Variants in PAX7 observed in about 807,000 individuals in gnomAD.
PAX7 encodes paired box 7.
A neutral mutation model predicts 50.7 loss-of-function variants in PAX7; 18 were observed. The ratio of observed to expected loss-of-function variants is 0.36; its 90% CI spans 0.25 to 0.53. PAX7 has a LOEUF of 0.53. Ranked by LOEUF, PAX7 falls within the 20% of genes least tolerant of loss-of-function variation. The pLI is 0.93. For synonymous variants in PAX7, 310 were observed against 290.4 expected (o/e 1.07, Z -0.69); for missense variants, 644 against 702.9 (o/e 0.92, Z 0.95).
chr1:18,747,252 C>G lies in PAX7; in HGVS notation c.*2323C>G. On this transcript the variant is annotated 3_prime_UTR_variant, in exon 9 of 9. Transcript: ENST00000420770. ...AGCCCCATCCCCAGGAGGCGACATT[C>G]CAATGCTAGGACCAATCCCAGATAT... 4.3e-6 allele frequency: 1 copy of G among 230,422 alleles called. No homozygotes were observed. Among genetic ancestry groups the G allele is most frequent in the East Asian group, 6.2e-5 (1 of 16,206 alleles). 14.3% of individuals were successfully genotyped at this position (230,422 alleles called of 1,614,324 possible).
intron 4 of PAX7, among the ~76,000 whole-genome samples, chr1:18,640,897 G>A (rs949135861): frequency 6.6e-6 from 1 of 151,702 alleles, no homozygotes; most frequent in Admixed American, 6.6e-5. Flanking sequence ...GGAACGTCCC[G>A]GCGGAGGGGG....
chr1:18,704,487 G>A (rs935746291), intron 7 of PAX7, among the ~76,000 whole-genome samples: 1 of 152,172 alleles, frequency 6.6e-6, no homozygotes, highest in African/African-American at 2.4e-5. Flanking sequence ...AGGCATGATG[G>A]CAGGTGCCTG....
At chr1:18,633,496 G>A (rs993197598) in intron 1 of PAX7, among the ~76,000 whole-genome samples, 3 of 152,180 alleles carry the variant, frequency 2.0e-5, no homozygotes, top group East Asian at 3.9e-4. Flanking sequence ...TACCAGCCTC[G>A]CAGAGCCTGC....
chr1:18,721,765 C>T (rs182902300), intron 7 of PAX7, among the ~76,000 whole-genome samples: 20 of 152,336 alleles, frequency 1.3e-4, no homozygotes, highest in African/African-American at 4.3e-4. Context: ...GTTGTCGGAC[C>T]ATGTCTGGAA....
rs547057009 is a variant in PAX7 at position 18,738,511 on chromosome 1, C to A, written c.1402+2633C>A. ...AGGGTTTGTTCTCCTCTTGCTTGGACAAAGCCAGCCAGAGCAGCTTCCTCC... is the reference window on the plus strand; with the variant it reads ...AGGGTTTGTTCTCCTCTTGCTTGGAAAAAGCCAGCCAGAGCAGCTTCCTCC... On this transcript the variant is annotated intron_variant, in intron 8 of 8. Coordinates refer to ENST00000420770, the MANE Select transcript of PAX7 (RefSeq NM_001135254.2). Among the ~76,000 whole-genome samples the A allele has an allele frequency of 4.9e-4, 75 of 152,228 alleles. 1 individual carries two copies. The highest frequency in any genetic ancestry group is 1.9e-4 in the Non-Finnish European group (13 of 67,994).
At chr1:18,736,172 A>G in intron 8 of PAX7, 1 of 609,302 alleles carries the variant, frequency 1.6e-6, no homozygotes, top group South Asian at 2.1e-5. Flanking sequence ...TTTAAAACAT[A>G]AGAAGAAACA....
rs1004958336 is a variant in PAX7, at chr1:18,632,344, C to T, written c.85+656C>T. 1.3e-5 allele frequency among the ~76,000 whole-genome samples: 2 copies of T among 152,206 alleles called. No individual in the cohort carries two copies. Among genetic ancestry groups the T allele is most frequent in the Non-Finnish European group, 2.9e-5 (2 of 68,044 alleles). On this transcript the variant is annotated intron_variant, in intron 1 of 8. Transcript: ENST00000420770. This position sits in a 1 kb window ranked among gnomAD's most constrained non-coding sequence, Gnocchi z 6.3. Reference sequence around the variant, plus strand: ...CTCTAAACGGCGAGGTTTAGAGAACCTCTAAACGGCGAGAGGGGCACGGCA... The same window carrying T: ...CTCTAAACGGCGAGGTTTAGAGAACTTCTAAACGGCGAGAGGGGCACGGCA...
rs1245425520 is a variant in PAX7 at position 18,632,798 on chromosome 1, A to G, written c.85+1110A>G. Among the ~76,000 whole-genome samples, 1 of 152,122 alleles carries G rather than the reference A, an allele frequency of 6.6e-6. No individual in the cohort carries two copies. Among genetic ancestry groups the G allele is most frequent in the East Asian group, 1.9e-4 (1 of 5,174 alleles). ...ACGGCGCCGGGTCCCTGAATTAGAC[A>G]GAGGCGAAGAGAGCGGCTCCGTGAT... On this transcript the variant is annotated intron_variant, in intron 1 of 8. Coordinates refer to ENST00000420770, the MANE Select transcript of PAX7 (RefSeq NM_001135254.2). The surrounding 1 kb of genome is among the most constrained non-coding windows in gnomAD (Gnocchi z 6.3).
chr1:18,636,202 A>G lies in PAX7; in HGVS notation c.452-35A>G. On this transcript the variant is annotated intron_variant, in intron 3 of 8. Coordinates refer to ENST00000420770, the MANE Select transcript of PAX7 (RefSeq NM_001135254.2). This position sits in a 1 kb window ranked among gnomAD's most constrained non-coding sequence, Gnocchi z 5.1. ...CACCGCTCGCTCCTCTGCTCCAACA[A>G]CTTATACTTGCTCTTTTGCCTTTGA... 1 of 1,610,378 alleles carries G rather than the reference A, an allele frequency of 6.2e-7. No individual in the cohort carries two copies. Among genetic ancestry groups the G allele is most frequent in the Admixed American group, 1.7e-5 (1 of 59,806 alleles).
Position 18,700,077 on chromosome 1 carries a change from CGTGTGTGTGTGTGTGTGT to C in PAX7, c.787-553_787-536del, listed in dbSNP as rs66600721. Among the ~76,000 whole-genome samples, 4 of 145,668 alleles carry C rather than the reference CGTGTGTGTGTGTGTGTGT, an allele frequency of 2.7e-5. No individual in the cohort carries two copies. Among genetic ancestry groups the C allele is most frequent in the East Asian group, 2.0e-4 (1 of 4,966 alleles). ...TTATCCCACTAATGTTTGATAAATC[CGTGTGTGTGTGTGTGTGT>C]GTGTGTGTGTGTGTGTGTGTGTTTC... On this transcript the variant is annotated intron_variant, in intron 5 of 8. Transcript: ENST00000420770. This position sits in a 1 kb window ranked among gnomAD's most constrained non-coding sequence, Gnocchi z 4.8.
chr1:18,650,407 G>T (rs1200604538), intron 4 of PAX7, among the ~76,000 whole-genome samples: 1 of 152,164 alleles, frequency 6.6e-6, no homozygotes, highest in African/African-American at 2.4e-5. Context: ...GCTTCATTTT[G>T]GGGCCTGGTG....
intron 7 of PAX7, among the ~76,000 whole-genome samples, chr1:18,725,158 G>C (rs754550435): frequency 2.0e-4 from 31 of 152,158 alleles, no homozygotes; most frequent in Non-Finnish European, 4.0e-4. Flanking sequence ...AGCCGGGCCT[G>C]AGCTATCACG....
In PAX7 at chr1:18,635,195, A is replaced by G. The variant is rs1240946523; in HGVS notation, c.406A>G (p.Arg136Gly). Residue 136 changes from arginine to glycine, a missense_variant, in exon 3 of 9, where the codon AGG (arginine) becomes GGG (glycine). Coordinates refer to ENST00000420770, the MANE Select transcript of PAX7 (RefSeq NM_001135254.2). ...CATGTTCAGCTGGGAGATCCGGGAC[A>G]GGCTGCTGAAGGATGGGCACTGTGA... ...PGMFSWEIRD[R>G]LLKDGHCDRS... The G allele has an allele frequency of 1.2e-6, 2 of 1,613,890 alleles. No individual in the cohort carries two copies. Among genetic ancestry groups the G allele is most frequent in the African/African-American group, 1.3e-5 (1 of 74,936 alleles).
chr1:18,694,607 G>C (rs2089127576), intron 5 of PAX7, among the ~76,000 whole-genome samples: 1 of 152,098 alleles, frequency 6.6e-6, no homozygotes, highest in African/African-American at 2.4e-5. Context: ...CCAGGGCCAG[G>C]GTCAAGAGAG....
intron 5 of PAX7, among the ~76,000 whole-genome samples, chr1:18,696,565 A>G (rs946697195): frequency 6.6e-6 from 1 of 152,272 alleles, no homozygotes; most frequent in African/African-American, 2.4e-5. Context: ...CTATTCAGCC[A>G]TAAAAAAGAA....
In PAX7 at chr1:18,631,237, C is replaced by G. The variant is rs988372138; in HGVS notation, c.-367C>G. The G allele has an allele frequency of 8.0e-6, 2 of 249,452 alleles. No homozygotes were observed. The highest frequency in any genetic ancestry group is 2.2e-5 in the African/African-American group (1 of 45,826). 15.5% of individuals were successfully genotyped at this position (249,452 alleles called of 1,614,324 possible). ...TCGATTCCGGCCGCGTTCCCCCGGC[C>G]CCCCTCCGCCGCGGGGCCTGGTCTC... On this transcript the variant is annotated 5_prime_UTR_variant, in exon 1 of 9. Coordinates refer to ENST00000420770, the MANE Select transcript of PAX7 (RefSeq NM_001135254.2).
chr1:18,706,202 C>G (rs1268390450), intron 7 of PAX7, among the ~76,000 whole-genome samples: 1 of 152,104 alleles, frequency 6.6e-6, no homozygotes, highest in Admixed American at 6.5e-5. Flanking sequence ...GGTGTGGGGC[C>G]AGGAATCCTC....
rs1390357522 is a variant in PAX7 at position 18,631,239 on chromosome 1, C to G, written c.-365C>G. On this transcript the variant is annotated 5_prime_UTR_variant, in exon 1 of 9. Coordinates refer to ENST00000420770, the MANE Select transcript of PAX7 (RefSeq NM_001135254.2). ...GATTCCGGCCGCGTTCCCCCGGCCCCCCTCCGCCGCGGGGCCTGGTCTCCG... is the reference window on the plus strand; with the variant it reads ...GATTCCGGCCGCGTTCCCCCGGCCCGCCTCCGCCGCGGGGCCTGGTCTCCG... 8.0e-6 allele frequency: 2 copies of G among 249,846 alleles called. No individual in the cohort carries two copies. The highest frequency in any genetic ancestry group is 1.5e-5 in the Non-Finnish European group (2 of 129,668). 15.5% of individuals were successfully genotyped at this position (249,846 alleles called of 1,614,324 possible).
chr1:18,701,340 G>A (rs577550187), intron 6 of PAX7, among the ~76,000 whole-genome samples: 62 of 151,734 alleles, frequency 4.1e-4, no homozygotes, highest in African/African-American at 1.5e-3. Flanking sequence ...GAGTGTGTGC[G>A]TGTGAGTGCA....
Sources: allele counts gnomAD v4.1 joint callset (sites outside exome capture counted in the v4.1 genomes callset), GRCh38; gene constraint gnomAD v4.1.1; non-coding constraint Gnocchi (gnomAD v3.1); transcripts MANE v1.5; gene names NCBI Gene and HGNC (gene_info 2026-07-23, HGNC 2026-07-21).